Variants in PASK observed in about 807,000 individuals in gnomAD.
PASK encodes the protein PAS domain-containing serine/threonine-protein kinase.
PASK carries 110 observed loss-of-function variants against 121.0 expected under a neutral mutation model. The ratio of observed to expected loss-of-function variants is 0.91; its 90% CI spans 0.78 to 1.06. The LOEUF is 1.06. PASK is among the 50% of genes least tolerant of loss of function. The pLI is 0.00. For synonymous variants in PASK, 686 were observed against 717.8 expected (o/e 0.96, Z 0.71); for missense variants, 1,643 against 1,702.3 (o/e 0.97, Z 0.61).
intron 11 of PASK, 113 bp from the exon 12 acceptor site, chr2:241,123,012 G>A: frequency 2.1e-6 from 2 of 932,556 alleles, no homozygotes; most frequent in Non-Finnish European, 1.6e-6. Context: ...GGTGTGCCCT[G>A]CACTCCAGTC....
At chr2:241,149,827 G>A (rs1238351248), upstream of PASK, 11 of 1,510,648 alleles carry the variant, frequency 7.3e-6, no homozygotes, top group Non-Finnish European at 9.7e-6. Flanking sequence ...GTCCGCACTG[G>A]GCTGGGAACG....
rs1296536423 is a variant in PASK, at chr2:241,126,910, A to G, written c.2005T>C (p.Leu669=). ...TCLIKEQLSQ[L]SLAGALDVPH... is the part of the protein sequence containing the mutation. ...ACATCCAGGGCTCCTGCAAGGCTCA[A>G]CTGGGACAGCTGCTCCTTAATCAAG... The change falls in exon 10 of 18, where the codon TTG becomes CTG. Residue 669 remains leucine (L), a synonymous_variant. Coordinates refer to ENST00000234040, the MANE Select transcript of PASK (RefSeq NM_015148.4). 2 of 1,614,058 alleles carry G rather than the reference A, an allele frequency of 1.2e-6. No homozygotes were observed. Among genetic ancestry groups the G allele is most frequent in the Non-Finnish European group, 1.7e-6 (2 of 1,179,956 alleles).
chr2:241,149,727 G>C, upstream of PASK: 1 of 1,547,604 alleles, frequency 6.5e-7, no homozygotes. Flanking sequence ...CGCAGAGCTC[G>C]CCTCTTGGAG....
At chr2:241,124,634 T>C (rs903790442) in intron 10 of PASK, among the ~76,000 whole-genome samples, 4 of 152,254 alleles carry the variant, frequency 2.6e-5, no homozygotes, top group African/African-American at 9.6e-5. Context: ...AGAGAAAGCA[T>C]GTGTGCATTT....
upstream of PASK, chr2:241,150,324 C>G (rs1356710039): frequency 3.8e-6 from 5 of 1,327,706 alleles, no homozygotes; most frequent in South Asian, 2.2e-5. Flanking sequence ...AGGCGCGGCG[C>G]GCGGCCTCAT....
upstream of PASK, chr2:241,150,128 AG>A (rs1289671200): frequency 3.2e-6 from 4 of 1,266,888 alleles, no homozygotes; most frequent in Non-Finnish European, 4.0e-6. Flanking sequence ...CACGCCTCCG[AG>A]GTCGAGACAG....
At chr2:241,114,740 C>T (rs2065253640) in intron 14 of PASK, 2 of 1,381,996 alleles carry the variant, frequency 1.4e-6, no homozygotes, top group South Asian at 1.8e-5. Context: ...CTAACCCTTA[C>T]TGGTTAATTT....
chr2:241,147,233 A>C (rs1194251796), intron 1 of PASK, among the ~76,000 whole-genome samples: 4 of 152,240 alleles, frequency 2.6e-5, no homozygotes, highest in African/African-American at 9.7e-5. Context: ...ATACATTGTA[A>C]ATGTTGTAAA....
In PASK at chr2:241,127,143, G is replaced by A; in HGVS notation, c.1772C>T (p.Ala591Val). 1 of 1,613,952 alleles carries A rather than the reference G, an allele frequency of 6.2e-7. No homozygotes were observed. Among genetic ancestry groups the A allele is most frequent in the Non-Finnish European group, 8.5e-7 (1 of 1,179,946 alleles). Residue 591 changes from alanine to valine, a missense_variant, in exon 10 of 18, where the codon GCC becomes GTC. Coordinates refer to ENST00000234040, the MANE Select transcript of PASK (RefSeq NM_015148.4). Reference protein sequence around the residue: ...PSGSDLWAGAAVAKPQAKGQL... With the variant: ...PSGSDLWAGAVVAKPQAKGQL... Reference sequence around the variant, plus strand: ...ACCCTTGGCCTGGGGCTTGGCCACGGCAGCCCCAGCCCAAAGGTCTGAACC... The same window carrying A: ...ACCCTTGGCCTGGGGCTTGGCCACGACAGCCCCAGCCCAAAGGTCTGAACC...
At chr2:241,131,720 G>A (rs1442613548) in intron 9 of PASK, among the ~76,000 whole-genome samples, 3 of 152,094 alleles carry the variant, frequency 2.0e-5, no homozygotes, top group African/African-American at 4.8e-5. Flanking sequence ...GGGCCACCTG[G>A]GCACCTACAG....
intron 10 of PASK, among the ~76,000 whole-genome samples, chr2:241,125,390 G>GGAGAAC (rs1170904667): frequency 6.6e-6 from 1 of 151,706 alleles, no homozygotes; most frequent in Non-Finnish European, 1.5e-5. Flanking sequence ...CACGACGTCA[G>GGAGAAC]GAGAACGAGA....
rs1559375152 is a variant in PASK, at chr2:241,126,315, A to G, written c.2600T>C (p.Leu867Pro). 6.2e-7 allele frequency: 1 copy of G among 1,614,226 alleles called. No homozygotes were observed. The highest frequency in any genetic ancestry group is 8.5e-7 in the Non-Finnish European group (1 of 1,180,032). ...GGGCGTGGAGGTGACCTGGACGTTCAGCCTTGGCTCCTCTGCTGATGGGCA... is the reference window on the plus strand; with the variant it reads ...GGGCGTGGAGGTGACCTGGACGTTCGGCCTTGGCTCCTCTGCTGATGGGCA... ...DTCPSAEEPR[L>P]NVQVTSTPVI... The change falls in exon 10 of 18, where the codon CTG becomes CCG. Residue 867 changes from leucine to proline, a missense_variant. Transcript: ENST00000234040.
chr2:241,117,227 A>T (rs1185493658), intron 12 of PASK, among the ~76,000 whole-genome samples: 1 of 152,184 alleles, frequency 6.6e-6, no homozygotes, highest in Non-Finnish European at 1.5e-5. Flanking sequence ...AGCCTGTGAG[A>T]GGTGAAAGGA....
chr2:241,148,841 G>A (rs191373560), intron 1 of PASK, among the ~76,000 whole-genome samples: 2 of 152,316 alleles, frequency 1.3e-5, no homozygotes, highest in African/African-American at 4.8e-5. Flanking sequence ...ACTGAGATGC[G>A]GAAGGTAAGG....
chr2:241,123,020 G>T, intron 11 of PASK, 121 bp from the exon 12 acceptor site: 2 of 840,464 alleles, frequency 2.4e-6, no homozygotes, highest in Non-Finnish European at 3.7e-6. Flanking sequence ...CTGCACTCCA[G>T]TCCCCTCTCC....
chr2:241,132,664 G>A (rs548799947), intron 9 of PASK, among the ~76,000 whole-genome samples: 27 of 151,748 alleles, frequency 1.8e-4, no homozygotes, highest in African/African-American at 5.3e-4. Context: ...ACACCATGGT[G>A]CCCTCCCATA....
intron 1 of PASK, among the ~76,000 whole-genome samples, chr2:241,148,593 G>A (rs1304782318): frequency 2.0e-5 from 3 of 152,192 alleles, no homozygotes; most frequent in Admixed American, 6.5e-5. Context: ...AGCCTCCTAT[G>A]CCTGCCCAAA....
At chr2:241,132,127 C>G (rs555968597) in intron 9 of PASK, among the ~76,000 whole-genome samples, 1 of 150,896 alleles carries the variant, frequency 6.6e-6, no homozygotes, top group Non-Finnish European at 1.5e-5. Context: ...ATGTACAATA[C>G]GACTATGAGA....
At chr2:241,124,709 C>T (rs1342070684) in intron 10 of PASK, among the ~76,000 whole-genome samples, 1 of 152,238 alleles carries the variant, frequency 6.6e-6, no homozygotes, top group Non-Finnish European at 1.5e-5. Context: ...TGGGGGTTTA[C>T]AGCCCATTTT....
Sources: gnomAD v4.1 joint callset for allele counts (sites outside exome capture counted in the v4.1 genomes callset) on GRCh38, gnomAD v4.1.1 for gene constraint, MANE v1.5 for transcripts, NCBI Gene and HGNC (gene_info 2026-07-23, HGNC 2026-07-21) for gene names.